The following SMARCC2 variants were observed in gnomAD, a reference collection of about 807,000 sequenced individuals.
SMARCC2 encodes SWI/SNF complex subunit SMARCC2.
Under a neutral mutation model 151.3 loss-of-function variants are expected in SMARCC2, and 15 were observed. That is an observed-to-expected ratio of 0.10 (90% confidence interval 0.07 to 0.15). The LOEUF (loss-of-function observed/expected upper bound fraction) is 0.15. Among genes scored for constraint, SMARCC2 ranks in the 10% least tolerant of loss-of-function variants. SMARCC2 has a pLI of 1.00. For missense variants in SMARCC2, 1,031 were observed against 1,599.7 expected, an observed-to-expected ratio of 0.64 and a Z score of 6.06; for synonymous variants, 590 against 609.5, an observed-to-expected ratio of 0.97 and a Z score of 0.47.
At chr12:56,173,535 T>A (rs1280572447) in intron 17 of SMARCC2, among the ~76,000 whole-genome samples, 161 bp downstream of exon 17, 8 of 152,138 alleles carry the variant, frequency 5.3e-5, no homozygotes, top group Admixed American at 5.2e-4. Context: ...TGAGAGAGGA[T>A]GCTAAACACA....
At chr12:56,175,156 C>T (rs938630683) in intron 15 of SMARCC2, among the ~76,000 whole-genome samples, 2 of 152,228 alleles carry the variant, frequency 1.3e-5, no homozygotes, top group Admixed American at 6.5e-5. Flanking sequence ...TGATTACAGG[C>T]ATGTGCCACC....
chr12:56,180,065 G>A (rs960919574), intron 11 of SMARCC2, among the ~76,000 whole-genome samples: 4 of 151,894 alleles, frequency 2.6e-5, no homozygotes, highest in African/African-American at 4.8e-5. Flanking sequence ...CCATGGTAGC[G>A]GCTTAACAGT....
chr12:56,178,820 G>C lies in SMARCC2; in HGVS notation c.1169C>G (p.Thr390Arg), dbSNP rs1256071944. 1 of 1,613,958 alleles carries C rather than the reference G, an allele frequency of 6.2e-7. No individual in the cohort carries two copies. Among genetic ancestry groups the C allele is most frequent in the South Asian group, 1.1e-5 (1 of 91,082 alleles). ...LDEQEDESME[T>R]TGKDEDENST... ...CTAAACTGGCTCCACCTTGCCCGTC[G>C]TCTCCATGCTTTCATCTTCCTGTTC... Residue 390 changes from threonine (T) to arginine (R), a missense_variant, in exon 13 of 29, where the codon ACG becomes AGG. By Grantham distance (71) the Thr-to-Arg change is moderately conservative (BLOSUM62 -1). Transcript: ENST00000550164.
In SMARCC2 at chr12:56,179,070, G is replaced by A. The variant is rs186336285; in HGVS notation, c.1082-14C>T. ...TCTTTGTGTTGACTGCGAAAACAGA[G>A]AGTCATTTTATCAGACAGATTTTGC... On this transcript the variant is annotated splice_polypyrimidine_tract_variant and intron_variant, in intron 11 of 28. Transcript: ENST00000550164. The A allele has an allele frequency of 8.7e-6, 14 of 1,613,316 alleles. No homozygotes were observed. The highest frequency in any genetic ancestry group is 1.2e-5 in the Non-Finnish European group (14 of 1,179,434).
At chr12:56,181,969 C>A (rs750536878) in intron 8 of SMARCC2, 35 bp downstream of exon 8, 3 of 1,593,596 alleles carry the variant, frequency 1.9e-6, no homozygotes, top group East Asian at 4.5e-5. Flanking sequence ...TCCTGGCATT[C>A]TTTTTGGGGA....
intron 20 of SMARCC2, 85 bp downstream of exon 20, chr12:56,172,343 A>G: frequency 7.9e-7 from 1 of 1,273,316 alleles, no homozygotes; most frequent in Non-Finnish European, 1.1e-6. Context: ...TGGCCTCCCA[A>G]AGTGCTGGGA....
At chr12:56,172,271 G>A (rs574577246) in intron 20 of SMARCC2, 157 bp downstream of exon 20, 44 of 632,668 alleles carry the variant, frequency 7.0e-5, no homozygotes, top group African/African-American at 1.9e-4. Flanking sequence ...TCGTAGAGAC[G>A]GAGTCTCACT....
intron 1 of SMARCC2, 70 bp downstream of exon 1, chr12:56,189,281 C>G: frequency 1.0e-6 from 1 of 977,370 alleles, no homozygotes; most frequent in Non-Finnish European, 1.4e-6. Flanking sequence ...AGGCAGGATC[C>G]CGGGGCTGCA....
intron 7 of SMARCC2, among the ~76,000 whole-genome samples, chr12:56,182,797 T>C (rs958106114): frequency 7.3e-6 from 1 of 137,598 alleles, no homozygotes; most frequent in Admixed American, 7.2e-5. Flanking sequence ...TACTAGATGA[T>C]GTTTTTACAT....
chr12:56,172,746 C>T, intron 18 of SMARCC2, 42 bp from the exon 19 acceptor site: 1 of 1,611,238 alleles, frequency 6.2e-7, no homozygotes. Flanking sequence ...CAAGTGACCA[C>T]CGGGAGCCAG....
intron 25 of SMARCC2, 99 bp downstream of exon 25, chr12:56,169,430 C>A: frequency 2.9e-6 from 4 of 1,365,868 alleles, no homozygotes; most frequent in Non-Finnish European, 4.0e-6. Context: ...AATAGGTCAG[C>A]ATTATTTAAG....
intron 7 of SMARCC2, among the ~76,000 whole-genome samples, chr12:56,182,316 C>G (rs1876377977): frequency 1.3e-5 from 2 of 151,624 alleles, no homozygotes; most frequent in Admixed American, 6.6e-5. Flanking sequence ...TTTTCCTCCA[C>G]AGTAATTTTT....
At position 56,171,350 on chromosome 12, in the gene SMARCC2, T is replaced by TA; in HGVS notation, c.2267dup (p.Thr757AsnfsTer21). 1 of 1,614,222 alleles carries TA rather than the reference T, an allele frequency of 6.2e-7. No individual in the cohort carries two copies. The highest frequency in any genetic ancestry group is 8.5e-7 in the Non-Finnish European group (1 of 1,180,048). On this transcript the variant is annotated frameshift_variant, in exon 22 of 29. Transcript: ENST00000550164. LOFTEE classifies it high-confidence loss of function. The surrounding 1 kb of genome is among the most constrained non-coding windows in gnomAD (Gnocchi z 4.2). ...CGAAGGCAGGGTCCGCCTTGCCTGT[T>TA]ACTTTGGCTGCTTCTTCCACTTTTC...
In SMARCC2 at chr12:56,172,496, G is replaced by C. The variant is rs1430114659; in HGVS notation, c.1864-6C>G. 1 of 1,605,712 alleles carries C rather than the reference G, an allele frequency of 6.2e-7. No individual in the cohort carries two copies. The highest frequency in any genetic ancestry group is 1.1e-5 in the South Asian group (1 of 90,546). On this transcript the variant is annotated splice_region_variant and splice_polypyrimidine_tract_variant and intron_variant, in intron 19 of 28. Coordinates refer to ENST00000550164, the MANE Select transcript of SMARCC2 (RefSeq NM_001330288.2). ...GCACTGGCTGCAGCCTTGCTCTGCA[G>C]GGGAAACACAGGCAGGTGAGAAGAA...
chr12:56,168,933 T>C (rs962671737), intron 25 of SMARCC2, among the ~76,000 whole-genome samples: 3 of 151,894 alleles, frequency 2.0e-5, no homozygotes, highest in Middle Eastern at 3.4e-3. Context: ...TGAGCCGAGA[T>C]TGTGCCACTG....
intron 2 of SMARCC2, chr12:56,186,463 G>C: frequency 4.0e-6 from 2 of 505,802 alleles, no homozygotes; most frequent in Non-Finnish European, 7.1e-6. Context: ...CAATTCTCCT[G>C]TCTCAGCCTC....
In SMARCC2 at chr12:56,173,006, G is replaced by T. The variant is rs1348760225; in HGVS notation, c.1674C>A (p.Thr558=). Residue 558 remains threonine, a synonymous_variant, in exon 18 of 29, where the codon ACC becomes ACA. Transcript: ENST00000550164. ...TPQGRQVDAD[T]KAGRKGKELD... is the part of the protein sequence containing the mutation. ...GCTCTTTGCCCTTTCGCCCAGCCTT[G>T]GTATCAGCATCAACCTGGCGGCCCT... 3.7e-6 allele frequency: 6 copies of T among 1,613,958 alleles called. No individual in the cohort carries two copies. The highest frequency in any genetic ancestry group is 5.1e-6 in the Non-Finnish European group (6 of 1,180,040).
chr12:56,168,269 G>T, intron 25 of SMARCC2, 75 bp from the exon 26 acceptor site: 1 of 1,550,458 alleles, frequency 6.4e-7, no homozygotes, highest in Non-Finnish European at 8.8e-7. Flanking sequence ...AGGTAGGGTG[G>T]ATGCTGGCAG....
At chr12:56,168,028 CG>C in intron 26 of SMARCC2, 31 bp downstream of exon 26, 1 of 1,607,320 alleles carries the variant, frequency 6.2e-7, no homozygotes, top group Non-Finnish European at 8.5e-7. Context: ...TGAGGCACAG[CG>C]CAGCAGGGTT....
Sources: gnomAD v4.1 joint callset for allele counts (sites outside exome capture counted in the v4.1 genomes callset) on GRCh38, gnomAD v4.1.1 for gene constraint, Gnocchi (gnomAD v3.1) non-coding constraint, MANE v1.5 for transcripts, NCBI Gene and HGNC (gene_info 2026-07-23, HGNC 2026-07-21) for gene names.